Variants in POTEG observed in about 807,000 individuals in gnomAD.
POTEG encodes POTE ankyrin domain family member G, also known as ANKRD26-like family C member 2.
Under a neutral mutation model 49.6 loss-of-function variants are expected in POTEG, and 2 were observed. The observed-to-expected ratio is 0.04, with a 90% CI of 0.02 to 0.13. The LOEUF is 0.13. POTEG is among the 10% of genes least tolerant of loss of function. The pLI is 1.00. For synonymous variants in POTEG, 7 were observed against 186.6 expected (o/e 0.04, Z 7.84); for missense variants, 26 against 545.2 (o/e 0.05, Z 9.48).
rs1325071365 is a variant in POTEG at position 19,434,307 on chromosome 14, G to T, written c.-18C>A. 6.2e-7 allele frequency: 1 copy of T among 1,612,120 alleles called. No individual in the cohort carries two copies. Among genetic ancestry groups the T allele is most frequent in the African/African-American group, 1.3e-5 (1 of 74,868 alleles). The stretch of plus-strand genomic sequence containing the variant: ...GCCACCATCTGCTTTTAACAGCCAG[G>T]GGAGGCCGGTAGTAGCCAGCAGATC... On this transcript the variant is annotated 5_prime_UTR_variant, in exon 1 of 11. Transcript: ENST00000547848.
At chr14:19,433,544 T>C (rs1222901809) in intron 1 of POTEG, among the ~76,000 whole-genome samples, 2 of 121,944 alleles carry the variant, frequency 1.6e-5, no homozygotes, top group Non-Finnish European at 3.4e-5. Flanking sequence ...AGTCTATTAG[T>C]GTTCTAGGAG....
rs1491249500 is a variant in POTEG, at chr14:19,432,367, T to TAC, written c.521+1401_521+1402insGT. 3.5e-3 allele frequency among the ~76,000 whole-genome samples: 36 copies of TAC among 10,250 alleles called. No individual in the cohort carries two copies. The East Asian group carries it at 0.054, about 15-fold the overall frequency. 6.7% of individuals were successfully genotyped at this position (10,250 alleles called of 152,430 possible). A position where few individuals can be genotyped will look rare whatever the true frequency, so the allele number is the denominator to read the frequency against. ...CATCAAAAAAAAAAAAGAAATTTTG[T>TAC]ATATATATATATATATATATATATA... On this transcript the variant is annotated intron_variant, in intron 1 of 10. Coordinates refer to ENST00000547848, the MANE Select transcript of POTEG (RefSeq NM_001005356.3).
rs1883918709 is a variant in POTEG, at chr14:19,425,651, A to T, written c.872T>A (p.Leu291Ter). Residue 291 changes from leucine (L) to a stop codon, truncating the protein, a stop_gained, in exon 4 of 11, where the codon TTA (leucine) becomes TAA (stop). Transcript: ENST00000547848. LOFTEE classifies it high-confidence loss of function. ...ATTTAAATTTGCTTTTTTCTTGATT[A>T]AGAATTTCACCACTTGCTGTTTTTG... ...HEQKQQVVKFLIKKKANLNAL... is the reference protein window; with the variant it reads ...HEQKQQVVKF 5.0e-6 allele frequency: 3 copies of T among 603,980 alleles called. 1 individual carries two copies. The African/African-American group carries it at 6.3e-5, about 13-fold the overall frequency. 37.4% of individuals were successfully genotyped at this position (603,980 alleles called of 1,614,324 possible).
At chr14:19,432,460 A>ATATATATATATACATATATATATACG (rs1884199401) in intron 1 of POTEG, among the ~76,000 whole-genome samples, 5 of 86,988 alleles carry the variant, frequency 5.7e-5, no homozygotes, top group Admixed American at 1.3e-4. Flanking sequence ...ATATATATAC[A>ATATATATATATACATATATATATACG]TATATACATA....
intron 1 of POTEG, among the ~76,000 whole-genome samples, chr14:19,432,927 CTTTT>C (rs1168507306): frequency 6.1e-5 from 1 of 16,300 alleles, no homozygotes; most frequent in Non-Finnish European, 1.2e-4. Flanking sequence ...AAAAAGCTCA[CTTTT>C]TTTTTTTTTT....
chr14:19,416,291 T>G lies in POTEG; in HGVS notation c.1194A>C (p.Pro398=), dbSNP rs1883568982. ...TTAAATTTAAGAGTTTCCATGCCTC[T>G]GGCTGGCTATTTTCACTTCCTTTAA... ...QRLKGSENSQ[P]EEMSQEPEIN... is the part of the protein sequence containing the mutation. Residue 398 remains proline, a synonymous_variant, in exon 7 of 11, where the codon CCA becomes CCC. Transcript: ENST00000547848. 1 of 1,566,982 alleles carries G rather than the reference T, an allele frequency of 6.4e-7. No individual in the cohort carries two copies. The highest frequency in any genetic ancestry group is 8.6e-7 in the Non-Finnish European group (1 of 1,166,322).
chr14:19,416,097 G>A (rs1883554904), intron 7 of POTEG, among the ~76,000 whole-genome samples, 191 bp downstream of exon 7: 1 of 146,802 alleles, frequency 6.8e-6, no homozygotes, highest in East Asian at 2.0e-4. Flanking sequence ...GCCCACCTCA[G>A]CCTCTCAAAG....
At chr14:19,415,998 C>G (rs1594274030) in intron 7 of POTEG, among the ~76,000 whole-genome samples, 1 of 148,994 alleles carries the variant, frequency 6.7e-6, no homozygotes, top group Non-Finnish European at 1.5e-5. Context: ...GTGCCCACCA[C>G]CACACCCGGC....
Position 19,413,259 on chromosome 14 carries a change from AG to A in POTEG, c.1409+94del, listed in dbSNP as rs1354330130. ...TTTTCATTTTTCTGATTAACAGGCAAGGCTGAATATCCTAGTAAAAGTATAA... is the reference window on the plus strand; with the variant it reads ...TTTTCATTTTTCTGATTAACAGGCAAGCTGAATATCCTAGTAAAAGTATAA... On this transcript the variant is annotated intron_variant, in intron 9 of 10. Transcript: ENST00000547848. 1.0e-5 allele frequency: 5 copies of A among 481,290 alleles called. No homozygotes were observed. In the African/African-American group the frequency reaches 2.1e-4, roughly 20 times the overall value. 29.8% of individuals were successfully genotyped at this position (481,290 alleles called of 1,614,324 possible). A position where few individuals can be genotyped will look rare whatever the true frequency, so the allele number is the denominator to read the frequency against.
At chr14:19,415,680 G>T (rs1454721703) in intron 7 of POTEG, among the ~76,000 whole-genome samples, 4 of 151,408 alleles carry the variant, frequency 2.6e-5, no homozygotes, top group African/African-American at 4.8e-5. Flanking sequence ...AATCAAGAAG[G>T]CAGATAAGAA....
chr14:19,433,145 T>C (rs1391556109), intron 1 of POTEG, among the ~76,000 whole-genome samples: 1 of 148,486 alleles, frequency 6.7e-6, no homozygotes, highest in Non-Finnish European at 1.5e-5. Context: ...GCCAGGATGG[T>C]CTCGATCTCC....
intron 3 of POTEG, chr14:19,426,595 C>G: frequency 2.5e-6 from 1 of 395,470 alleles, no homozygotes. Context: ...TAAAGACCTT[C>G]TGAATGGCAG....
At chr14:19,432,387 T>TATAC (rs1884175095) in intron 1 of POTEG, among the ~76,000 whole-genome samples, 1 of 86,038 alleles carries the variant, frequency 1.2e-5, no homozygotes, top group East Asian at 2.5e-4. Context: ...TATATATATA[T>TATAC]ATATATATAT....
chr14:19,426,220 ATTTAT>A (rs1883938700), intron 3 of POTEG, among the ~76,000 whole-genome samples: 1 of 107,792 alleles, frequency 9.3e-6, no homozygotes. Flanking sequence ...ATTTTCCAAC[ATTTAT>A]TTATTTAAAA....
intron 1 of POTEG, among the ~76,000 whole-genome samples, chr14:19,433,031 TCTC>T (rs1884224676): frequency 9.5e-6 from 1 of 105,258 alleles, no homozygotes; most frequent in Non-Finnish European, 1.9e-5. Flanking sequence ...TTCACGCCAT[TCTC>T]CTGCCTCAGC....
chr14:19,426,552 C>T (rs1227981780), intron 3 of POTEG, among the ~76,000 whole-genome samples: 3 of 152,196 alleles, frequency 2.0e-5, no homozygotes. Flanking sequence ...GGGCCATCCT[C>T]TACTTATTGA....
At chr14:19,432,397 TATATATACAC>T (rs1178764390) in intron 1 of POTEG, among the ~76,000 whole-genome samples, 183 of 92,318 alleles carry the variant, frequency 2.0e-3, no homozygotes, top group African/African-American at 2.8e-3. Flanking sequence ...TATATATATA[TATATATACAC>T]ACACATGTAT....
intron 9 of POTEG, among the ~76,000 whole-genome samples, chr14:19,405,570 A>T (rs1457506989): frequency 1.9e-5 from 1 of 52,788 alleles, no homozygotes; most frequent in African/African-American, 4.5e-5. Context: ...AAATAAACTC[A>T]TCATTAAGCA....
At chr14:19,427,557 G>A in intron 3 of POTEG, among the ~76,000 whole-genome samples, 1 of 152,306 alleles carries the variant, frequency 6.6e-6, no homozygotes, top group East Asian at 1.9e-4. Context: ...GAGTAGGAGA[G>A]AGACCCATTT....
Sources: allele counts gnomAD v4.1 joint callset (sites outside exome capture counted in the v4.1 genomes callset), GRCh38; gene constraint gnomAD v4.1.1; transcripts MANE v1.5; gene names NCBI Gene and HGNC (gene_info 2026-07-23, HGNC 2026-07-21).